The following MAML2 variants were observed in gnomAD, a reference collection of about 807,000 sequenced individuals.
The protein encoded by MAML2 is mastermind-like protein 2.
Under a neutral mutation model 96.1 loss-of-function variants are expected in MAML2, and 22 were observed. The observed-to-expected ratio is 0.23, with a 90% CI of 0.16 to 0.33. The LOEUF is 0.33. MAML2 is among the 10% of genes least tolerant of loss of function. The pLI is 1.00. For missense variants in MAML2, 1,367 were observed against 1,392.4 expected (o/e 0.98, Z 0.29); for synonymous variants, 561 against 521.3 (o/e 1.08, Z -1.04).
chr11:96,232,767 C>T (rs763890111), intron 1 of MAML2, among the ~76,000 whole-genome samples: 31 of 152,126 alleles, frequency 2.0e-4, no homozygotes, highest in Non-Finnish European at 2.8e-4. Context: ...CCACCGCGCC[C>T]GGCCAAGGAG....
intron 1 of MAML2, among the ~76,000 whole-genome samples, chr11:96,096,870 A>G (rs1859838512): frequency 6.6e-6 from 1 of 152,222 alleles, no homozygotes; most frequent in South Asian, 2.1e-4. Flanking sequence ...ATTCCTTAAG[A>G]TGGGGGACAG....
At chr11:96,033,130 T>A (rs1322331706) in intron 2 of MAML2, among the ~76,000 whole-genome samples, 1 of 152,178 alleles carries the variant, frequency 6.6e-6, no homozygotes, top group Non-Finnish European at 1.5e-5. Flanking sequence ...TTTAAGCACT[T>A]TTTACAAAAT....
chr11:96,259,482 A>G (rs1239609610), intron 1 of MAML2, among the ~76,000 whole-genome samples: 1 of 150,510 alleles, frequency 6.6e-6, no homozygotes, highest in African/African-American at 2.5e-5. Flanking sequence ...ATCTGGAAGC[A>G]TTTATACAGA....
intron 1 of MAML2, among the ~76,000 whole-genome samples, chr11:96,110,303 T>C (rs894465047): frequency 6.6e-6 from 1 of 152,272 alleles, no homozygotes; most frequent in African/African-American, 2.4e-5. Flanking sequence ...CTCATCATTT[T>C]TAAATACTTC....
intron 2 of MAML2, among the ~76,000 whole-genome samples, chr11:96,014,056 G>C (rs1482762873): frequency 6.6e-6 from 1 of 152,160 alleles, no homozygotes; most frequent in Non-Finnish European, 1.5e-5. Context: ...TGGCCGTGGG[G>C]TCGCAGCCCC....
chr11:96,315,666 T>A (rs1863620974), intron 1 of MAML2, among the ~76,000 whole-genome samples: 1 of 152,152 alleles, frequency 6.6e-6, no homozygotes, highest in South Asian at 2.1e-4. Flanking sequence ...TCAGAATGAC[T>A]CAATCTCATC....
chr11:96,026,467 G>A (rs894910834), intron 2 of MAML2, among the ~76,000 whole-genome samples: 5 of 152,002 alleles, frequency 3.3e-5, no homozygotes, highest in Non-Finnish European at 5.9e-5. Flanking sequence ...TAAGAGCATC[G>A]GCTTCTACCG....
chr11:96,194,698 AC>A (rs2135924578), intron 1 of MAML2, among the ~76,000 whole-genome samples: 1 of 152,284 alleles, frequency 6.6e-6, no homozygotes, highest in Non-Finnish European at 1.5e-5. Flanking sequence ...AGAACTAAAT[AC>A]AAAATTCCTT....
At chr11:96,114,160 C>G (rs1421853174) in intron 1 of MAML2, among the ~76,000 whole-genome samples, 1 of 152,106 alleles carries the variant, frequency 6.6e-6, no homozygotes, top group Non-Finnish European at 1.5e-5. Context: ...CTCAAGTGAT[C>G]CTCCTACCTT....
chr11:96,232,631 G>A (rs1045354628), intron 1 of MAML2, among the ~76,000 whole-genome samples: 5 of 152,088 alleles, frequency 3.3e-5, no homozygotes, highest in Admixed American at 6.5e-5. Context: ...CACCACGCCC[G>A]GCTAATTTTG....
intron 1 of MAML2, among the ~76,000 whole-genome samples, chr11:96,196,050 T>C (rs1457732972): frequency 6.6e-6 from 1 of 152,184 alleles, no homozygotes; most frequent in Non-Finnish European, 1.5e-5. Flanking sequence ...TTTCCTTGCA[T>C]AGATACATAT....
intron 1 of MAML2, among the ~76,000 whole-genome samples, chr11:96,154,094 C>T (rs962640236): frequency 6.6e-6 from 1 of 152,108 alleles, no homozygotes; most frequent in African/African-American, 2.4e-5. Context: ...TCTGTTCTTC[C>T]TACATTAGAG....
chr11:95,989,758 T>C (rs1857882705), intron 3 of MAML2, among the ~76,000 whole-genome samples: 1 of 152,236 alleles, frequency 6.6e-6, no homozygotes, highest in African/African-American at 2.4e-5. Flanking sequence ...TTAAACCTTA[T>C]GGCAGTATTC....
intron 4 of MAML2, among the ~76,000 whole-genome samples, chr11:95,984,768 C>CA (rs1382706240): frequency 6.6e-6 from 1 of 152,110 alleles, no homozygotes; most frequent in Non-Finnish European, 1.5e-5. Flanking sequence ...ATGAAGGTAA[C>CA]AGGTAAGGCA....
chr11:96,096,654 C>CGA (rs1859835306), intron 1 of MAML2, among the ~76,000 whole-genome samples: 1 of 152,118 alleles, frequency 6.6e-6, no homozygotes, highest in Non-Finnish European at 1.5e-5. Flanking sequence ...GATCTCGTCC[C>CGA]GATTCTTCCA....
intron 1 of MAML2, among the ~76,000 whole-genome samples, chr11:96,109,865 T>C (rs1860089411): frequency 6.6e-6 from 1 of 152,128 alleles, no homozygotes. Context: ...TGGGTTGAAA[T>C]GCACATAAGC....
At chr11:96,238,292 T>C (rs933639878) in intron 1 of MAML2, among the ~76,000 whole-genome samples, 1 of 152,230 alleles carries the variant, frequency 6.6e-6, no homozygotes, top group Admixed American at 6.5e-5. Context: ...AGAGCAATAT[T>C]AAGCTCATCA....
intron 1 of MAML2, among the ~76,000 whole-genome samples, chr11:96,168,610 C>T (rs994371358): frequency 6.6e-6 from 1 of 152,180 alleles, no homozygotes; most frequent in Admixed American, 6.5e-5. Context: ...GTTGTTGGAT[C>T]ACATTTTGAA....
chr11:96,045,986 C>T (rs1445513913), intron 2 of MAML2, among the ~76,000 whole-genome samples: 1 of 149,972 alleles, frequency 6.7e-6, no homozygotes, highest in African/African-American at 2.5e-5. Flanking sequence ...TATTTCTGAA[C>T]GAAAGGCTGC....
Sources: gnomAD v4.1 joint callset for allele counts (sites outside exome capture counted in the v4.1 genomes callset) on GRCh38, gnomAD v4.1.1 for gene constraint, MANE v1.5 for transcripts, NCBI Gene and HGNC (gene_info 2026-07-23, HGNC 2026-07-21) for gene names.